PPIL3: variants seen among roughly 807,000 people sequenced by gnomAD.
The protein encoded by PPIL3 is peptidyl-prolyl cis-trans isomerase-like 3.
Under a neutral mutation model 20.9 loss-of-function variants are expected in PPIL3, and 13 were observed. That is an observed-to-expected ratio of 0.62 (90% confidence interval 0.40 to 0.99). PPIL3 has a LOEUF of 0.99. Among genes scored for constraint, PPIL3 ranks in the 50% least tolerant of loss-of-function variants. PPIL3 has a pLI of 0.00. For missense variants in PPIL3, 170 were observed against 195.2 expected, an observed-to-expected ratio of 0.87 and a Z score of 0.77; for synonymous variants, 71 against 64.4, an observed-to-expected ratio of 1.10 and a Z score of -0.49.
chr2:200,886,589 A>G (rs1374587803), intron 2 of PPIL3, among the ~76,000 whole-genome samples: 1 of 151,908 alleles, frequency 6.6e-6, no homozygotes, highest in Non-Finnish European at 1.5e-5. Flanking sequence ...CAACACCCAG[A>G]TAATTTTTGT....
intron 1 of PPIL3, among the ~76,000 whole-genome samples, chr2:200,888,119 G>T (rs1157492375): frequency 6.7e-6 from 1 of 149,560 alleles, no homozygotes; most frequent in Non-Finnish European, 1.5e-5. Context: ...GGCTATAGAA[G>T]ATATCCTACC....
chr2:200,882,306 T>A, intron 4 of PPIL3, 36 bp downstream of exon 4: 5 of 1,306,850 alleles, frequency 3.8e-6, no homozygotes, highest in Non-Finnish European at 4.4e-6. Flanking sequence ...TACTATACAT[T>A]CAGTTCCTTA....
At chr2:200,883,326 T>C (rs1018791259) in intron 3 of PPIL3, among the ~76,000 whole-genome samples, 1 of 152,084 alleles carries the variant, frequency 6.6e-6, no homozygotes, top group Non-Finnish European at 1.5e-5. Flanking sequence ...TCTATACCTC[T>C]TTCCATGGAG....
At chr2:200,885,509 G>A (rs568167581) in intron 3 of PPIL3, 189 bp downstream of exon 3, 11 of 534,946 alleles carry the variant, frequency 2.1e-5, no homozygotes, top group South Asian at 8.1e-5. Context: ...AATTATCTAC[G>A]TTCTCTTTGA....
rs756650473 is a variant in PPIL3, at chr2:200,876,905, A to G, written c.359+14T>C. ...ATTGAAATGCTAAAAGAAAACCATA[A>G]CCAGAATACTCACTTTCCAAATACG... On this transcript the variant is annotated intron_variant, in intron 6 of 6. Coordinates refer to ENST00000392283, the MANE Select transcript of PPIL3 (RefSeq NM_130906.3). 57 of 1,548,188 alleles carry G rather than the reference A, an allele frequency of 3.7e-5. No individual in the cohort carries two copies. The highest frequency in any genetic ancestry group is 4.9e-5 in the Non-Finnish European group (55 of 1,120,360).
At position 200,883,473 on chromosome 2, in the gene PPIL3, T is replaced by C. The variant is rs948511186; in HGVS notation, c.79-1038A>G. On this transcript the variant is annotated intron_variant, in intron 3 of 6. Coordinates refer to ENST00000392283, the MANE Select transcript of PPIL3 (RefSeq NM_130906.3). The stretch of plus-strand genomic sequence containing the variant: ...ATTATCATCTTTTAGAATTACTTAA[T>C]TTTAGGCCAGGCACAGCAGCTCACA... Among the ~76,000 whole-genome samples, 3 of 151,954 alleles carry C rather than the reference T, an allele frequency of 2.0e-5. No homozygotes were observed. The East Asian group carries it at 5.8e-4, about 29-fold the overall frequency.
chr2:200,885,394 T>TAA, intron 3 of PPIL3: 1 of 330,666 alleles, frequency 3.0e-6, no homozygotes, highest in Non-Finnish European at 5.3e-6. Context: ...AATAAATAAA[T>TAA]AAAAAAAAAG....
At chr2:200,877,732 T>G (rs568083087) in intron 5 of PPIL3, 1 of 152,278 alleles carries the variant, frequency 6.6e-6, no homozygotes, top group East Asian at 1.9e-4. Flanking sequence ...TCTGGCAAAA[T>G]GAATAGGCTA....
intron 5 of PPIL3, 94 bp downstream of exon 5, chr2:200,881,327 A>G: frequency 4.5e-6 from 4 of 897,470 alleles, no homozygotes; most frequent in South Asian, 3.4e-5. Context: ...TCATTTTGCA[A>G]TGATGTTAAC....
rs1231413668 is a variant in PPIL3 at position 200,888,599 on chromosome 2, A to AACCTCC, written c.-71+351_-71+356dup. 16 of 219,554 alleles carry AACCTCC rather than the reference A, an allele frequency of 7.3e-5. No individual in the cohort carries two copies. The South Asian group carries it at 8.0e-4, about 11-fold the overall frequency. 13.6% of individuals were successfully genotyped at this position (219,554 alleles called of 1,614,324 possible). On this transcript the variant is annotated intron_variant, in intron 1 of 6. Transcript: ENST00000392283. ...GTGCGGCAGGATCTCGGCTCACTGC[A>AACCTCC]ACCTCCGCCTCCGCCTCCCGGGTTC...
At chr2:200,888,919 A>G (rs528638602) in intron 1 of PPIL3, 37 bp downstream of exon 1, 15 of 471,212 alleles carry the variant, frequency 3.2e-5, no homozygotes, top group Admixed American at 2.3e-4. Context: ...AAGCATTCGA[A>G]TAAGTGAATG....
At chr2:200,878,112 T>C (rs2039588743) in intron 5 of PPIL3, among the ~76,000 whole-genome samples, 1 of 152,244 alleles carries the variant, frequency 6.6e-6, no homozygotes, top group African/African-American at 2.4e-5. Context: ...ACCAATCAAA[T>C]GTAATATTAA....
chr2:200,887,641 G>T lies in PPIL3; in HGVS notation c.-26C>A. On this transcript the variant is annotated 5_prime_UTR_variant, in exon 2 of 7. Coordinates refer to ENST00000392283, the MANE Select transcript of PPIL3 (RefSeq NM_130906.3). ...TTTTCCTCTTAGTGGTTTCAGGAAG[G>T]ACTACGTGATTTCTCAGTCTTACAG... 1 of 1,594,410 alleles carries T rather than the reference G, an allele frequency of 6.3e-7. No individual in the cohort carries two copies. The highest frequency in any genetic ancestry group is 8.6e-7 in the Non-Finnish European group (1 of 1,168,878).
chr2:200,874,330 G>A (rs2039434953), intron 6 of PPIL3, among the ~76,000 whole-genome samples: 1 of 151,654 alleles, frequency 6.6e-6, no homozygotes, highest in Admixed American at 6.6e-5. Flanking sequence ...TAAATTATAA[G>A]TCTTAAAGGC....
At chr2:200,880,076 A>C (rs2105772494) in intron 5 of PPIL3, among the ~76,000 whole-genome samples, 1 of 152,216 alleles carries the variant, frequency 6.6e-6, no homozygotes, top group Middle Eastern at 3.4e-3. Context: ...GTGAGACACC[A>C]TCTGTACAAA....
intron 6 of PPIL3, among the ~76,000 whole-genome samples, chr2:200,875,786 C>T (rs1012260393): frequency 3.3e-5 from 5 of 151,920 alleles, no homozygotes; most frequent in Admixed American, 3.3e-4. Context: ...GTTCCACAGG[C>T]TGGTCTTGAA....
intron 6 of PPIL3, among the ~76,000 whole-genome samples, chr2:200,873,792 G>A (rs114888911): frequency 2.6e-5 from 4 of 151,706 alleles, no homozygotes; most frequent in African/African-American, 7.2e-5. Context: ...ACTGCAACCC[G>A]TCACATGAGG....
At chr2:200,876,852 G>C (rs1030839563) in intron 6 of PPIL3, 67 bp downstream of exon 6, 4 of 1,161,922 alleles carry the variant, frequency 3.4e-6, no homozygotes, top group Middle Eastern at 1.9e-4. Flanking sequence ...TTATGCTACT[G>C]TCACAGCTAA....
intron 3 of PPIL3, among the ~76,000 whole-genome samples, chr2:200,884,579 A>AT (rs1299796782): frequency 6.6e-6 from 1 of 151,700 alleles, no homozygotes; most frequent in African/African-American, 2.4e-5. Context: ...CTCCATAAAA[A>AT]TTTAAAAAAA....
Sources: gnomAD v4.1 joint callset for allele counts (sites outside exome capture counted in the v4.1 genomes callset) on GRCh38, gnomAD v4.1.1 for gene constraint, MANE v1.5 for transcripts, NCBI Gene and HGNC (gene_info 2026-07-23, HGNC 2026-07-21) for gene names.